The following SORCS3 variants were observed in gnomAD, a reference collection of about 807,000 sequenced individuals.
SORCS3 encodes VPS10 domain-containing receptor SorCS3.
In SORCS3, 57 loss-of-function variants were observed where a neutral mutation model predicts 146.3. That is an observed-to-expected ratio of 0.39 (90% CI 0.31 to 0.49). The LOEUF (loss-of-function observed/expected upper bound fraction) is 0.49, where lower values mean the gene tolerates loss of function less well. Among genes scored for constraint, SORCS3 ranks in the 20% least tolerant of loss-of-function variants. SORCS3 has a pLI of 0.92. For missense variants in SORCS3, 1,341 were observed against 1,575.5 expected (o/e 0.85, Z 2.52); for synonymous variants, 653 against 618.5 (o/e 1.06, Z -0.83).
chr10:105,201,908 C>T (rs2056576821), intron 16 of SORCS3, among the ~76,000 whole-genome samples: 2 of 152,064 alleles, frequency 1.3e-5, no homozygotes, highest in Admixed American at 1.3e-4. Flanking sequence ...GGAAGGAGTC[C>T]CTTGCCCAGT....
chr10:104,739,746 C>T (rs1303107026), intron 1 of SORCS3, among the ~76,000 whole-genome samples: 1 of 152,184 alleles, frequency 6.6e-6, no homozygotes, highest in Non-Finnish European at 1.5e-5. Flanking sequence ...TTTAGTGGGG[C>T]AAGTGAAATC....
At chr10:105,152,450 A>C (rs2119481016) in intron 9 of SORCS3, among the ~76,000 whole-genome samples, 1 of 152,306 alleles carries the variant, frequency 6.6e-6, no homozygotes, top group South Asian at 2.1e-4. Flanking sequence ...AATTTTCATA[A>C]TAAGTCTGCA....
chr10:105,034,459 A>G (rs2055292457), intron 4 of SORCS3, among the ~76,000 whole-genome samples: 1 of 152,174 alleles, frequency 6.6e-6, no homozygotes, highest in Non-Finnish European at 1.5e-5. Context: ...GGAGATGAGC[A>G]TGATGTCATC....
At chr10:105,232,804 T>G (rs1427833813) in intron 20 of SORCS3, among the ~76,000 whole-genome samples, 1 of 152,122 alleles carries the variant, frequency 6.6e-6, no homozygotes, top group East Asian at 1.9e-4. Context: ...TGTGTCTTGT[T>G]TAATCTCCGT....
intron 7 of SORCS3, among the ~76,000 whole-genome samples, chr10:105,131,766 C>A (rs917573588): frequency 6.6e-6 from 1 of 151,894 alleles, no homozygotes; most frequent in Non-Finnish European, 1.5e-5. Flanking sequence ...CATAATATGG[C>A]CAGAGGAGAA....
At chr10:104,918,568 C>G (rs2019056172) in intron 3 of SORCS3, among the ~76,000 whole-genome samples, 1 of 152,182 alleles carries the variant, frequency 6.6e-6, no homozygotes, top group Non-Finnish European at 1.5e-5. Flanking sequence ...CTGCCCTTCT[C>G]CCTTCTTGAG....
At chr10:104,837,073 C>T (rs2018078136) in intron 1 of SORCS3, among the ~76,000 whole-genome samples, 1 of 152,120 alleles carries the variant, frequency 6.6e-6, no homozygotes, top group African/African-American at 2.4e-5. Flanking sequence ...CTACATTTAT[C>T]ATCTCATCCC....
Position 104,916,825 on chromosome 10 carries a change from T to C in SORCS3, c.795+893T>C, listed in dbSNP as rs546490901. On this transcript the variant is annotated intron_variant, in intron 3 of 26. Coordinates refer to ENST00000369701, the MANE Select transcript of SORCS3 (RefSeq NM_014978.3). ...CAATCTGATTTGCATTCCCCCGTGG[T>C]TTTGCCAGTGCTTTCTTCCTCAAGG... Among the ~76,000 whole-genome samples, 25 of 152,084 alleles carry C rather than the reference T, an allele frequency of 1.6e-4. 1 individual carries two copies. Among genetic ancestry groups the C allele is most frequent in the Admixed American group, 5.2e-4 (8 of 15,276 alleles).
chr10:104,648,134 T>C (rs1390612484), intron 1 of SORCS3, among the ~76,000 whole-genome samples: 1 of 152,218 alleles, frequency 6.6e-6, no homozygotes, highest in African/African-American at 2.4e-5. Context: ...AGTGATCGTT[T>C]CAGGCTATGA....
chr10:104,987,942 A>G (rs1328863482), intron 4 of SORCS3, among the ~76,000 whole-genome samples: 2 of 152,218 alleles, frequency 1.3e-5, no homozygotes, highest in Non-Finnish European at 2.9e-5. Context: ...GCCCCATGTT[A>G]CTTTACTCAG....
chr10:105,048,289 G>T (rs1457056671), intron 5 of SORCS3, among the ~76,000 whole-genome samples: 6 of 146,916 alleles, frequency 4.1e-5, no homozygotes, highest in Non-Finnish European at 6.0e-5. Context: ...CAACCCAAAT[G>T]TCCAACAGGG....
chr10:104,802,726 A>G (rs1366710521), intron 1 of SORCS3, among the ~76,000 whole-genome samples: 1 of 152,236 alleles, frequency 6.6e-6, no homozygotes, highest in Non-Finnish European at 1.5e-5. Flanking sequence ...TTGGACATCA[A>G]AGAGGTCACC....
chr10:104,918,523 A>C (rs2019055732), intron 3 of SORCS3, among the ~76,000 whole-genome samples: 1 of 152,202 alleles, frequency 6.6e-6, no homozygotes, highest in African/African-American at 2.4e-5. Flanking sequence ...AAGTTGACTG[A>C]ATCAAGCCAG....
rs541294589 is a variant in SORCS3 at position 105,218,291 on chromosome 10, G to A, written c.2734+1169G>A. Among the ~76,000 whole-genome samples the A allele has an allele frequency of 6.6e-5, 10 of 152,272 alleles. No individual in the cohort carries two copies. The South Asian group carries it at 2.1e-3, about 32-fold the overall frequency. On this transcript the variant is annotated intron_variant, in intron 19 of 26. Transcript: ENST00000369701. ...TCTCCTGAACTCCAATTTTAAAATG[G>A]CTTAATTCTGACTGCTACCTTGCCT... is the stretch of plus-strand genomic sequence containing the variant.
intron 15 of SORCS3, 101 bp from the exon 16 acceptor site, chr10:105,201,019 C>A: frequency 7.7e-7 from 1 of 1,304,868 alleles, no homozygotes; most frequent in Non-Finnish European, 1.1e-6. Context: ...ACATAAAGTA[C>A]CTAAATGAGA....
At chr10:104,722,488 C>T (rs2016562057) in intron 1 of SORCS3, among the ~76,000 whole-genome samples, 1 of 152,146 alleles carries the variant, frequency 6.6e-6, no homozygotes, top group African/African-American at 2.4e-5. Flanking sequence ...TGATGCTGGC[C>T]TCATAAAATG....
chr10:105,092,524 T>G (rs1229608074), intron 6 of SORCS3, among the ~76,000 whole-genome samples: 1 of 152,054 alleles, frequency 6.6e-6, no homozygotes, highest in Non-Finnish European at 1.5e-5. Flanking sequence ...TCTGGGCATG[T>G]TTTATTTACA....
At chr10:105,061,919 G>A (rs1589614428) in intron 5 of SORCS3, among the ~76,000 whole-genome samples, 2 of 152,226 alleles carry the variant, frequency 1.3e-5, no homozygotes. Context: ...CTAATGAGGT[G>A]GCTGTCATCA....
chr10:104,814,000 C>G, intron 1 of SORCS3, among the ~76,000 whole-genome samples: 1 of 150,786 alleles, frequency 6.6e-6, no homozygotes. Context: ...TTTTTTTCCC[C>G]CTATTCCAGA....
Sources: allele counts gnomAD v4.1 joint callset (sites outside exome capture counted in the v4.1 genomes callset), GRCh38; gene constraint gnomAD v4.1.1; transcripts MANE v1.5; gene names NCBI Gene and HGNC (gene_info 2026-07-23, HGNC 2026-07-21).